The following DAB1 variants were observed in gnomAD, a reference collection of about 807,000 sequenced individuals.
DAB1 encodes DAB adaptor protein 1.
DAB1 carries 15 observed loss-of-function variants against 64.6 expected under a neutral mutation model. That is an observed-to-expected ratio of 0.23 (90% confidence interval 0.16 to 0.36). The LOEUF is 0.36. Ranked by LOEUF, DAB1 falls within the 10% of genes least tolerant of loss-of-function variation. The pLI, the probability that DAB1 is intolerant of heterozygous loss-of-function variation, is 1.00. For missense variants in DAB1, 596 were observed against 706.7 expected (o/e 0.84, Z 1.78); for synonymous variants, 235 against 251.9 (o/e 0.93, Z 0.64).
At chr1:57,408,568 T>C (rs1377159953) in intron 1 of DAB1, among the ~76,000 whole-genome samples, 1 of 152,130 alleles carries the variant, frequency 6.6e-6, no homozygotes, top group Non-Finnish European at 1.5e-5. Flanking sequence ...CCACTGCTGC[T>C]GCCCTACTCC....
chr1:57,481,845 G>C lies in DAB1; in HGVS notation n.625+167747C>G, dbSNP rs1470837963. Among the ~76,000 whole-genome samples, 5 of 151,828 alleles carry C rather than the reference G, an allele frequency of 3.3e-5. No homozygotes were observed. The South Asian group carries it at 6.2e-4, about 19-fold the overall frequency. On this transcript the variant is annotated intron_variant and non_coding_transcript_variant, in intron 7 of 20. Coordinates refer to the DAB1 transcript ENST00000485760. The stretch of plus-strand genomic sequence containing the variant: ...AAAAAAAAAAAGAGATAATGTAGGA[G>C]GTACTCAATAAGCTTGTTAAAATAT...
intron 1 of DAB1, among the ~76,000 whole-genome samples, chr1:57,358,981 C>T (rs1320728893): frequency 6.6e-6 from 1 of 151,872 alleles, no homozygotes; most frequent in East Asian, 1.9e-4. Flanking sequence ...ATATATTAAT[C>T]AAAACTACAA....
intron 6 of DAB1, among the ~76,000 whole-genome samples, chr1:57,807,117 T>C (rs1651399588): frequency 6.6e-6 from 1 of 152,240 alleles, no homozygotes; most frequent in South Asian, 2.1e-4. Context: ...TTTCTGCAAC[T>C]GGCTCCACCT....
In DAB1 at chr1:58,027,570, G is replaced by A. The variant is rs180919879; in HGVS notation, n.387+122941C>T. On this transcript the variant is annotated intron_variant and non_coding_transcript_variant, in intron 5 of 20. Transcript: ENST00000485760. ...TTGCTAGTCTATGAAATTCTCAAAAGTTTGGGGCTCTTTGATATTAGGGTT... is the reference window on the plus strand; with the variant it reads ...TTGCTAGTCTATGAAATTCTCAAAAATTTGGGGCTCTTTGATATTAGGGTT... Among the ~76,000 whole-genome samples the A allele has an allele frequency of 2.8e-3, 431 of 152,254 alleles. 2 individuals are homozygous for A. The highest frequency in any genetic ancestry group is 6.8e-3 in the Middle Eastern group (2 of 294).
At chr1:57,951,826 A>C (rs932706882) in intron 5 of DAB1, among the ~76,000 whole-genome samples, 5 of 152,148 alleles carry the variant, frequency 3.3e-5, no homozygotes, top group African/African-American at 1.2e-4. Context: ...CCTTGGGTAT[A>C]TACTACAGGT....
chr1:57,788,564 C>G lies in DAB1; in HGVS notation n.551+95435G>C, dbSNP rs1167267541. On this transcript the variant is annotated intron_variant and non_coding_transcript_variant, in intron 6 of 20. Transcript: ENST00000485760. ...CCACAAAGAAGTATGAGGGAACCAA[C>G]TTTTGTGGTGACAAAAGTTATTCTA... Among the ~76,000 whole-genome samples the G allele has an allele frequency of 5.3e-5, 8 of 152,308 alleles. No homozygotes were observed. The South Asian group carries it at 1.7e-3, about 32-fold the overall frequency.
At chr1:57,134,215 T>C (rs1657877096) in intron 4 of DAB1, among the ~76,000 whole-genome samples, 1 of 152,150 alleles carries the variant, frequency 6.6e-6, no homozygotes, top group Non-Finnish European at 1.5e-5. Context: ...CTAAAACTTC[T>C]ATCAATTAGT....
intron 5 of DAB1, among the ~76,000 whole-genome samples, chr1:58,072,085 T>TGGGGGGGGGGGG (rs10665790): frequency 1.2e-5 from 1 of 82,174 alleles, no homozygotes; most frequent in African/African-American, 4.9e-5. Flanking sequence ...ATTGGTGGGG[T>TGGGGGGGGGGGG]GGGGGGGGGT....
At position 57,069,376 on chromosome 1, in the gene DAB1, T is replaced by G. The variant is rs758490282; in HGVS notation, c.647A>C (p.Glu216Ala). Reference protein sequence around the residue: ...GHEPIRDPETEENIYQVPTSQ... With the variant: ...GHEPIRDPETAENIYQVPTSQ... ...ATTTTATACCTGATAAATGTTTTCT[T>G]CCGTTTCGGGATCACGGATTGGCTC... The change falls in exon 8 of 15, where the codon GAA (glutamate) becomes GCA (alanine). Residue 216 changes from glutamate (E) to alanine (A), a missense_variant. Physicochemically the swap from Glu to Ala is moderately radical, Grantham distance 107. Coordinates refer to ENST00000371236, the MANE Select transcript of DAB1 (RefSeq NM_001365792.1). The G allele has an allele frequency of 6.2e-7, 1 of 1,613,566 alleles. No individual in the cohort carries two copies. Among genetic ancestry groups the G allele is most frequent in the East Asian group, 2.2e-5 (1 of 44,876 alleles).
chr1:57,053,520 C>T (rs892357865), intron 9 of DAB1, among the ~76,000 whole-genome samples: 1 of 151,394 alleles, frequency 6.6e-6, no homozygotes, highest in African/African-American at 2.4e-5. Flanking sequence ...TCCCAAAACA[C>T]TGGGATTATA....
chr1:57,795,690 GATATATATATATATATATATATATAT>G (rs3081038), intron 6 of DAB1, among the ~76,000 whole-genome samples: 25 of 69,098 alleles, frequency 3.6e-4, no homozygotes, highest in East Asian at 2.9e-3. Context: ...TATGCTTGGA[GATATATATATATATATATATATATAT>G]ATATATATAT....
chr1:57,336,537 A>T (rs939915948), intron 1 of DAB1, among the ~76,000 whole-genome samples: 1 of 152,248 alleles, frequency 6.6e-6, no homozygotes, highest in Non-Finnish European at 1.5e-5. Context: ...TGTGTCAGGC[A>T]TCATTCTACA....
At chr1:58,015,456 T>C (rs556687578) in intron 5 of DAB1, among the ~76,000 whole-genome samples, 1 of 152,210 alleles carries the variant, frequency 6.6e-6, no homozygotes, top group Non-Finnish European at 1.5e-5. Flanking sequence ...GCTGTACTTC[T>C]GATTATGCTA....
At chr1:57,724,404 G>A (rs2101763587) in intron 6 of DAB1, among the ~76,000 whole-genome samples, 1 of 152,178 alleles carries the variant, frequency 6.6e-6, no homozygotes, top group African/African-American at 2.4e-5. Flanking sequence ...AGTCCTCAGA[G>A]GGAGAGATCC....
intron 5 of DAB1, among the ~76,000 whole-genome samples, chr1:58,043,853 G>A (rs1214482167): frequency 1.6e-4 from 24 of 151,956 alleles, no homozygotes; most frequent in Non-Finnish European, 1.5e-5. Flanking sequence ...TCAGCCTCCC[G>A]AGTAGCTGGG....
At chr1:57,411,603 A>G (rs579188) in intron 1 of DAB1, among the ~76,000 whole-genome samples, 2,740 of 152,316 alleles carry the variant, frequency 0.018, 80 homozygotes, top group African/African-American at 0.062. Flanking sequence ...TTCTCTCTCC[A>G]TAGGAAACCC....
rs550969121 is a variant in DAB1, at chr1:57,741,496, T to C, written n.552-91831A>G. Reference sequence around the variant, plus strand: ...TCCAAGAATATGTACACAGCCACTATACCATACTGCCTCTCAAAGTGTCTA... The same window carrying C: ...TCCAAGAATATGTACACAGCCACTACACCATACTGCCTCTCAAAGTGTCTA... On this transcript the variant is annotated intron_variant and non_coding_transcript_variant, in intron 6 of 20. Coordinates refer to the DAB1 transcript ENST00000485760. 1.9e-4 allele frequency among the ~76,000 whole-genome samples: 29 copies of C among 152,330 alleles called. No individual in the cohort carries two copies. The East Asian group carries it at 5.4e-3, about 28-fold the overall frequency.
At chr1:57,939,816 C>G (rs1401345489) in intron 5 of DAB1, among the ~76,000 whole-genome samples, 1 of 152,184 alleles carries the variant, frequency 6.6e-6, no homozygotes, top group African/African-American at 2.4e-5. Flanking sequence ...AAGAATGAGG[C>G]CAGCTTTCCC....
At chr1:57,726,795 C>G (rs1647217483) in intron 6 of DAB1, among the ~76,000 whole-genome samples, 1 of 152,108 alleles carries the variant, frequency 6.6e-6, no homozygotes, top group Admixed American at 6.5e-5. Context: ...GTATTTGAAC[C>G]CAGGCAACCT....
Sources: allele counts gnomAD v4.1 joint callset (sites outside exome capture counted in the v4.1 genomes callset), GRCh38; gene constraint gnomAD v4.1.1; transcripts MANE v1.5; gene names NCBI Gene and HGNC (gene_info 2026-07-23, HGNC 2026-07-21).